Variants in EPYC observed in about 807,000 individuals in gnomAD.
EPYC encodes the protein dermatan sulfate proteoglycan 3.
In EPYC, 28 loss-of-function variants were observed where a neutral mutation model predicts 30.1. The ratio of observed to expected loss-of-function variants is 0.93; its 90% CI spans 0.69 to 1.28. The LOEUF (loss-of-function observed/expected upper bound fraction) is 1.28. Ranked by LOEUF, EPYC falls within the 50% of genes most tolerant of loss-of-function variation. The pLI is 0.00. For synonymous variants in EPYC, 144 were observed against 141.4 expected (o/e 1.02, Z -0.13); for missense variants, 382 against 383.5 (o/e 1.00, Z 0.03).
At chr12:90,995,286 C>G (rs1565875952) in intron 2 of EPYC, among the ~76,000 whole-genome samples, 1 of 152,168 alleles carries the variant, frequency 6.6e-6, no homozygotes, top group East Asian at 1.9e-4. Context: ...ATCATATTAC[C>G]TCTTGCCCCT....
intron 2 of EPYC, among the ~76,000 whole-genome samples, chr12:90,981,961 T>A (rs927766523): frequency 6.6e-6 from 1 of 152,172 alleles, no homozygotes; most frequent in African/African-American, 2.4e-5. Flanking sequence ...TAAACCAGAT[T>A]CGATTCCTAC....
chr12:90,983,418 C>T (rs977829135), intron 2 of EPYC, among the ~76,000 whole-genome samples: 5 of 152,114 alleles, frequency 3.3e-5, no homozygotes, highest in East Asian at 1.9e-4. Flanking sequence ...GCAACTAGTG[C>T]GGCTGCCAGA....
intron 2 of EPYC, among the ~76,000 whole-genome samples, chr12:90,991,316 A>C (rs534125047): frequency 6.6e-6 from 1 of 152,288 alleles, no homozygotes; most frequent in South Asian, 2.1e-4. Context: ...AGAATGAGAA[A>C]CGTGGAATTA....
At chr12:90,971,331 A>C (rs2074283286) in intron 5 of EPYC, among the ~76,000 whole-genome samples, 1 of 152,116 alleles carries the variant, frequency 6.6e-6, no homozygotes, top group African/African-American at 2.4e-5. Flanking sequence ...TGACAGATGC[A>C]GTTGGGAAGT....
At chr12:90,965,251 T>G (rs995950350) in intron 6 of EPYC, among the ~76,000 whole-genome samples, 14 of 152,210 alleles carry the variant, frequency 9.2e-5, no homozygotes, top group Admixed American at 7.2e-4. Context: ...TGTTTATTCA[T>G]CAATTAATGG....
chr12:90,971,186 C>G (rs1181450195), intron 5 of EPYC, among the ~76,000 whole-genome samples: 5 of 152,022 alleles, frequency 3.3e-5, no homozygotes, highest in Non-Finnish European at 5.9e-5. Flanking sequence ...TGTACCACTT[C>G]CAGGTGCTCC....
chr12:90,996,077 A>G (rs1376534638), intron 2 of EPYC, among the ~76,000 whole-genome samples: 1 of 151,950 alleles, frequency 6.6e-6, no homozygotes, highest in Non-Finnish European at 1.5e-5. Flanking sequence ...ATATTTTTAA[A>G]TATAAAGATA....
At chr12:90,977,630 T>C (rs1257229133) in intron 3 of EPYC, among the ~76,000 whole-genome samples, 1 of 152,164 alleles carries the variant, frequency 6.6e-6, no homozygotes, top group Non-Finnish European at 1.5e-5. Flanking sequence ...GAGGTTTTAA[T>C]AATCCAATGA....
rs191524994 is a variant in EPYC, at chr12:90,996,256, T to G, written c.165+6145A>C. On this transcript the variant is annotated intron_variant, in intron 2 of 6. Coordinates refer to ENST00000261172, the MANE Select transcript of EPYC (RefSeq NM_004950.5). Reference sequence around the variant, plus strand: ...AACTAATGTTAAGATACTTTTTATATATCATTATCTAAAATGTGCTTTGAT... The same window carrying G: ...AACTAATGTTAAGATACTTTTTATAGATCATTATCTAAAATGTGCTTTGAT... Among the ~76,000 whole-genome samples, 27 of 152,026 alleles carry G rather than the reference T, an allele frequency of 1.8e-4. No individual in the cohort carries two copies. The East Asian group carries it at 2.9e-3, about 16-fold the overall frequency.
rs555690231 is a variant in EPYC at position 90,990,164 on chromosome 12, C to A, written c.166-11902G>T. 2.6e-5 allele frequency among the ~76,000 whole-genome samples: 4 copies of A among 152,116 alleles called. No individual in the cohort carries two copies. The South Asian group carries it at 8.3e-4, about 32-fold the overall frequency. ...CCTTCAAAACTCTAGCTCTTTATTT[C>A]TGATGGAGTAATTTAGTATTTTTTA... On this transcript the variant is annotated intron_variant, in intron 2 of 6. Coordinates refer to ENST00000261172, the MANE Select transcript of EPYC (RefSeq NM_004950.5).
chr12:90,970,167 A>C, intron 5 of EPYC, 28 bp from the exon 6 acceptor site: 4 of 1,496,096 alleles, frequency 2.7e-6, no homozygotes, highest in Non-Finnish European at 3.7e-6. Context: ...GTGGGAACTC[A>C]ATAAAAACTC....
At chr12:90,990,196 TTCTA>T (rs1877549339) in intron 2 of EPYC, among the ~76,000 whole-genome samples, 1 of 152,104 alleles carries the variant, frequency 6.6e-6, no homozygotes, top group Non-Finnish European at 1.5e-5. Flanking sequence ...TTTATTCAGT[TTCTA>T]TCTTTCTCAG....
chr12:90,978,264 T>C lies in EPYC; in HGVS notation c.166-2A>G. The C allele has an allele frequency of 2.1e-6, 3 of 1,435,428 alleles. No individual in the cohort carries two copies. The highest frequency in any genetic ancestry group is 2.1e-5 in the African/African-American group (1 of 48,190). 88.9% of individuals were successfully genotyped at this position (1,435,428 alleles called of 1,614,324 possible). ...AGGCATCACTGTGGCTATTTCAATC[T>C]GAAAAAAAAAAAAAAAAGAGAATTT... On this transcript the variant is annotated splice_acceptor_variant, in intron 2 of 6. Transcript: ENST00000261172. LOFTEE classifies it high-confidence loss of function.
At chr12:91,002,886 T>A (rs747735999) in intron 1 of EPYC, among the ~76,000 whole-genome samples, 8 of 152,070 alleles carry the variant, frequency 5.3e-5, no homozygotes, top group South Asian at 4.2e-4. Flanking sequence ...ATCTAATAAT[T>A]TTACCATTTA....
intron 5 of EPYC, among the ~76,000 whole-genome samples, chr12:90,970,920 A>T (rs564469357): frequency 1.3e-5 from 2 of 152,234 alleles, no homozygotes; most frequent in African/African-American, 4.8e-5. Context: ...CTTGAATGCC[A>T]TAAGAGGAGG....
chr12:90,968,873 C>A (rs1247028454), intron 6 of EPYC, among the ~76,000 whole-genome samples: 1 of 151,648 alleles, frequency 6.6e-6, no homozygotes, highest in Non-Finnish European at 1.5e-5. Flanking sequence ...TAGAAATTCA[C>A]CCCCAGAAAA....
At chr12:90,974,038 T>TCACTCACA (rs1555214975) in intron 3 of EPYC, among the ~76,000 whole-genome samples, 1 of 140,366 alleles carries the variant, frequency 7.1e-6, no homozygotes, top group Non-Finnish European at 1.5e-5. Flanking sequence ...TTACACACAC[T>TCACTCACA]CACACACACA....
At position 90,964,321 on chromosome 12, in the gene EPYC, G is replaced by A; in HGVS notation, c.804C>T (p.Asn268=). ...TATCTTCGTGCATTTCCAGAATGTT[G>A]TTATTCTAAAAAAGATGAAAATAAA... The part of the protein sequence containing the change: ...ENLRALHLQN[N]NILEMHEDTF... The change falls in exon 7 of 7, where the codon AAC becomes AAT. Residue 268 remains asparagine, a synonymous_variant. Coordinates refer to ENST00000261172, the MANE Select transcript of EPYC (RefSeq NM_004950.5). 2 of 1,601,094 alleles carry A rather than the reference G, an allele frequency of 1.2e-6. No individual in the cohort carries two copies. The highest frequency in any genetic ancestry group is 1.7e-4 in the Middle Eastern group (1 of 6,014).
At chr12:90,987,381 A>G (rs1021882748) in intron 2 of EPYC, among the ~76,000 whole-genome samples, 10 of 149,576 alleles carry the variant, frequency 6.7e-5, no homozygotes, top group Admixed American at 4.0e-4. Flanking sequence ...AAACCAATAT[A>G]TACTCTTAGT....
Sources: allele counts gnomAD v4.1 joint callset (sites outside exome capture counted in the v4.1 genomes callset), GRCh38; gene constraint gnomAD v4.1.1; transcripts MANE v1.5; gene names NCBI Gene and HGNC (gene_info 2026-07-23, HGNC 2026-07-21).